Variants in ATM observed in about 807,000 individuals in gnomAD.
ATM encodes the protein ATM serine/threonine kinase.
In ATM, 308 loss-of-function variants were observed where a neutral mutation model predicts 387.0. That is an observed-to-expected ratio of 0.80 (90% confidence interval 0.73 to 0.87). The LOEUF is 0.87. Ranked by LOEUF, ATM falls within the 40% of genes least tolerant of loss-of-function variation. The pLI, the probability that ATM is intolerant of heterozygous loss-of-function variation, is 0.00. For missense variants in ATM, 3,312 were observed against 3,560.9 expected, an observed-to-expected ratio of 0.93 and a Z score of 1.78; for synonymous variants, 1,156 against 1,187.3, an observed-to-expected ratio of 0.97 and a Z score of 0.54.
At chr11:108,237,468 C>CT (rs148121053) in intron 5 of ATM, among the ~76,000 whole-genome samples, 2,620 of 151,650 alleles carry the variant, frequency 0.017, 68 homozygotes, top group African/African-American at 0.06. Flanking sequence ...ACTCTTACTT[C>CT]TTTTTTTTTC....
intron 55 of ATM, among the ~76,000 whole-genome samples, chr11:108,335,544 C>T (rs2086746185): frequency 6.6e-6 from 1 of 152,138 alleles, no homozygotes; most frequent in South Asian, 2.1e-4. Flanking sequence ...TTGGGTCCTA[C>T]TGGGGAGTGG....
At chr11:108,284,667 T>C (rs2082400473) in intron 26 of ATM, among the ~76,000 whole-genome samples, 194 bp downstream of exon 26, 1 of 152,234 alleles carries the variant, frequency 6.6e-6, no homozygotes, top group South Asian at 2.1e-4. Context: ...GGCTTTTAAC[T>C]AAGTAGAAAT....
intron 61 of ATM, among the ~76,000 whole-genome samples, chr11:108,363,574 TGGGTAGAG>T (rs2091034567): frequency 6.6e-6 from 1 of 152,152 alleles, no homozygotes; most frequent in South Asian, 2.1e-4. Flanking sequence ...TGGCATCTAC[TGGGTAGAG>T]GCCAGGGATG....
intron 25 of ATM, among the ~76,000 whole-genome samples, 193 bp from the exon 26 acceptor site, chr11:108,284,034 T>C (rs928446209): frequency 6.6e-6 from 1 of 152,166 alleles, no homozygotes; most frequent in African/African-American, 2.4e-5. Flanking sequence ...TTCTAAGCTT[T>C]CTAATTTTTT....
chr11:108,236,704 A>G (rs2135138056), intron 5 of ATM, among the ~76,000 whole-genome samples: 1 of 152,324 alleles, frequency 6.6e-6, no homozygotes, highest in South Asian at 2.1e-4. Context: ...AATGCATTAG[A>G]AGACAATGTA....
chr11:108,227,916 C>A (rs934062408), intron 3 of ATM, 28 bp downstream of exon 3: 1 of 1,533,200 alleles, frequency 6.5e-7, no homozygotes, highest in Non-Finnish European at 9.0e-7. Context: ...ATTTTACTGT[C>A]TTTATTTTTC....
rs758492915 is a variant in ATM, at chr11:108,366,365, C to T, written c.*857C>T. 6.5e-5 allele frequency: 14 copies of T among 214,726 alleles called. No homozygotes were observed. The highest frequency in any genetic ancestry group is 1.3e-4 in the Non-Finnish European group (14 of 106,544). The allele number at this position is 214,726 out of a possible 1,614,324, so 13.3% of individuals were successfully genotyped here. ...TCATTTCTAATTATGCATCATTTTT[C>T]AGATCTCTGTTTCTTGATGTCATTT... is the stretch of plus-strand genomic sequence containing the variant. On this transcript the variant is annotated 3_prime_UTR_variant, in exon 63 of 63. Coordinates refer to ENST00000675843, the MANE Select transcript of ATM (RefSeq NM_000051.4).
At chr11:108,356,540 T>TTAAA (rs2089944752) in intron 61 of ATM, among the ~76,000 whole-genome samples, 1 of 97,824 alleles carries the variant, frequency 1.0e-5, no homozygotes, top group African/African-American at 3.6e-5. Context: ...CTGTCTGTCT[T>TTAAA]AAAAAAAAAA....
At chr11:108,361,662 A>C (rs61504979) in intron 61 of ATM, among the ~76,000 whole-genome samples, 2,107 of 151,892 alleles carry the variant, frequency 0.014, 55 homozygotes, top group African/African-American at 0.047. Flanking sequence ...CAACTATCTG[A>C]TCTTTGACAA....
intron 10 of ATM, among the ~76,000 whole-genome samples, chr11:108,251,531 T>C (rs2080148594): frequency 6.6e-6 from 1 of 152,224 alleles, no homozygotes; most frequent in Admixed American, 6.5e-5. Context: ...CCAGGTCTTA[T>C]TCCTTCTAAT....
intron 17 of ATM, among the ~76,000 whole-genome samples, 176 bp from the exon 18 acceptor site, chr11:108,268,234 A>G (rs1009376155): frequency 3.0e-4 from 46 of 152,150 alleles, no homozygotes; most frequent in African/African-American, 1.0e-3. Context: ...TCTTGACAAC[A>G]GAATCTTGGA....
chr11:108,282,575 C>T (rs537246058), intron 24 of ATM, 135 bp from the exon 25 acceptor site: 1 of 754,952 alleles, frequency 1.3e-6, no homozygotes, highest in Non-Finnish European at 2.2e-6. Flanking sequence ...TTATTATTCC[C>T]ATCTCATAGA....
At chr11:108,307,572 A>G (rs891673731) in intron 37 of ATM, among the ~76,000 whole-genome samples, 2 of 152,200 alleles carry the variant, frequency 1.3e-5, no homozygotes, top group Non-Finnish European at 2.9e-5. Context: ...CAGGCTAGTC[A>G]GTGAGTTCTG....
intron 22 of ATM, among the ~76,000 whole-genome samples, chr11:108,273,151 C>T (rs551668175): frequency 2.6e-5 from 4 of 151,968 alleles, no homozygotes; most frequent in Non-Finnish European, 4.4e-5. Flanking sequence ...ACAGGAGATA[C>T]GGACTGTTTG....
Position 108,299,731 on chromosome 11 carries a change from T to A in ATM, c.5023T>A (p.Leu1675Met), listed in dbSNP as rs876660275. The A allele has an allele frequency of 6.2e-7, 1 of 1,613,882 alleles. No homozygotes were observed. The highest frequency in any genetic ancestry group is 8.5e-7 in the Non-Finnish European group (1 of 1,179,896). The change falls in exon 34 of 63, where the codon TTG (leucine) becomes ATG (methionine). Residue 1675 changes from leucine (L) to methionine (M), a missense_variant. Leu to Met is a conservative substitution (Grantham distance 15). Transcript: ENST00000675843. ...ATATGTAGAGGCTGTTGGAAGCTGC[T>A]TGGGAGAAGTGGGTCCTATAGATTT... ...KEVLEAVGSCLGEVGPIDFST... is the reference protein window; with the variant it reads ...KEVLEAVGSCMGEVGPIDFST...
chr11:108,289,489 T>A, intron 28 of ATM, 113 bp from the exon 29 acceptor site: 1 of 827,418 alleles, frequency 1.2e-6, no homozygotes, highest in Non-Finnish European at 1.8e-6. Context: ...ATTTAGTTAT[T>A]TTAAATATAA....
At chr11:108,324,101 C>T (rs935819566) in intron 45 of ATM, among the ~76,000 whole-genome samples, 9 of 152,218 alleles carry the variant, frequency 5.9e-5, no homozygotes, top group Admixed American at 5.9e-4. Context: ...ATTTACATAG[C>T]ATTTACATTA....
intron 37 of ATM, among the ~76,000 whole-genome samples, chr11:108,305,699 T>A (rs367989187): frequency 1.3e-5 from 2 of 152,192 alleles, no homozygotes; most frequent in African/African-American, 4.8e-5. Flanking sequence ...CTACTTTCCT[T>A]CTATGACATA....
In ATM at chr11:108,327,673, C is replaced by T. The variant is rs3092831; in HGVS notation, c.7004C>T (p.Thr2335Ile). Residue 2335 changes from threonine (T) to isoleucine (I), a missense_variant, in exon 48 of 63, where the codon ACA becomes ATA. Thr to Ile is a moderately conservative substitution (Grantham distance 89, BLOSUM62 -1). This residue lies in a region of ATM where 1,405 missense variants were observed against 1,604.4 expected (regional missense o/e 0.88). Coordinates refer to ENST00000675843, the MANE Select transcript of ATM (RefSeq NM_000051.4). ...ANNPSLKLTY[T>I]ECLRVCGNWL... Reference sequence around the variant, plus strand: ...AATCCCAGCCTAAAACTTACATACACAGAATGTCTGAGGGTTTGTGGCAAC... The same window carrying T: ...AATCCCAGCCTAAAACTTACATACATAGAATGTCTGAGGGTTTGTGGCAAC... 74 of 1,613,966 alleles carry T rather than the reference C, an allele frequency of 4.6e-5. No individual in the cohort carries two copies. The African/African-American group carries it at 9.5e-4, about 21-fold the overall frequency.
Sources: gnomAD v4.1 joint callset for allele counts (sites outside exome capture counted in the v4.1 genomes callset) on GRCh38, gnomAD v4.1.1 for gene constraint, gnomAD v4.1.1 regional missense constraint, MANE v1.5 for transcripts, NCBI Gene and HGNC (gene_info 2026-07-23, HGNC 2026-07-21) for gene names.